The following CDH18 variants were observed in gnomAD, a reference collection of about 807,000 sequenced individuals.
The protein encoded by CDH18 is cadherin 18, also known as cadherin-18.
In CDH18, 31 loss-of-function variants were observed where a neutral mutation model predicts 67.9. That is an observed-to-expected ratio of 0.46 (90% CI 0.34 to 0.62). The LOEUF is 0.62. Among genes scored for constraint, CDH18 ranks in the 20% least tolerant of loss-of-function variants. CDH18 has a pLI of 0.01. For missense variants in CDH18, 890 were observed against 975.5 expected, an observed-to-expected ratio of 0.91 and a Z score of 1.17; for synonymous variants, 362 against 347.2, an observed-to-expected ratio of 1.04 and a Z score of -0.48.
At chr5:20,236,399 C>G (rs1272473881) in intron 2 of CDH18, among the ~76,000 whole-genome samples, 4 of 151,462 alleles carry the variant, frequency 2.6e-5, no homozygotes, top group Non-Finnish European at 5.9e-5. Flanking sequence ...ATCCTATACC[C>G]AGAAATATTA....
In CDH18 at chr5:19,747,112, C is replaced by T. The variant is rs1413313604; in HGVS notation, c.353G>A (p.Arg118Lys). The change falls in exon 4 of 13, where the codon AGA (arginine) becomes AAA (lysine). Residue 118 changes from arginine (R) to lysine (K), a missense_variant. Transcript: ENST00000382275. ...AAGCACATAGTGGGTCTTCTGCTCTCTGTCTAGGCTTTTTGTTGAGTGGAT... is the reference window on the plus strand; with the variant it reads ...AAGCACATAGTGGGTCTTCTGCTCTTTGTCTAGGCTTTTTGTTGAGTGGAT... ...GDIHSTKSLD[R>K]EQKTHYVLHA... 1 of 1,614,104 alleles carries T rather than the reference C, an allele frequency of 6.2e-7. No homozygotes were observed.
chr5:20,392,573 G>T (rs756941721), intron 1 of CDH18, among the ~76,000 whole-genome samples: 47 of 151,904 alleles, frequency 3.1e-4, no homozygotes, highest in Admixed American at 3.9e-4. Flanking sequence ...CCTTCTTATA[G>T]ATGAGAATGC....
At position 19,785,682 on chromosome 5, in the gene CDH18, ATATATATATATATATATATATAT is replaced by A. The variant is rs1561296529; in HGVS notation, c.229-38469_229-38447del. Among the ~76,000 whole-genome samples, 117 of 20,854 alleles carry A rather than the reference ATATATATATATATATATATATAT, an allele frequency of 5.6e-3. 3 individuals are homozygous for A. The highest frequency in any genetic ancestry group is 7.9e-3 in the Non-Finnish European group (97 of 12,312). 13.7% of individuals were successfully genotyped at this position (20,854 alleles called of 152,430 possible). On this transcript the variant is annotated intron_variant, in intron 3 of 12. Transcript: ENST00000382275. Reference sequence around the variant, plus strand: ...AAAAAAAAAAAAAAAAAAAAAAAATATATATATATATATATATATATATATATATATATATATATATATGCATG... The same window carrying A: ...AAAAAAAAAAAAAAAAAAAAAAAATAATATATATATATATATATATGCATG...
intron 1 of CDH18, among the ~76,000 whole-genome samples, chr5:20,401,365 T>G (rs112042708): frequency 3.3e-5 from 5 of 152,322 alleles, no homozygotes; most frequent in South Asian, 2.1e-4. Flanking sequence ...AGTCAAGGAA[T>G]GTAAAGTTTA....
At chr5:19,701,405 A>G (rs1038859940) in intron 5 of CDH18, among the ~76,000 whole-genome samples, 1 of 152,152 alleles carries the variant, frequency 6.6e-6, no homozygotes, top group African/African-American at 2.4e-5. Flanking sequence ...AAACAAACAA[A>G]AAAATATGGC....
At chr5:19,563,891 C>T (rs1739903033) in intron 8 of CDH18, among the ~76,000 whole-genome samples, 1 of 152,102 alleles carries the variant, frequency 6.6e-6, no homozygotes, top group Non-Finnish European at 1.5e-5. Flanking sequence ...CAGCAGAGCA[C>T]AAAGAGAGAA....
chr5:19,905,080 C>A (rs947353980), intron 2 of CDH18, among the ~76,000 whole-genome samples: 2 of 151,968 alleles, frequency 1.3e-5, no homozygotes, highest in South Asian at 2.1e-4. Flanking sequence ...AAAGGTGGGG[C>A]TAGAGTAAGG....
intron 2 of CDH18, among the ~76,000 whole-genome samples, chr5:20,223,562 AG>A (rs1260222865): frequency 2.0e-5 from 3 of 152,076 alleles, no homozygotes; most frequent in African/African-American, 7.2e-5. Context: ...GGGAGGCGCC[AG>A]GGGGCAGAAT....
chr5:20,046,823 G>T (rs1283534987), intron 2 of CDH18, among the ~76,000 whole-genome samples: 1 of 151,644 alleles, frequency 6.6e-6, no homozygotes, highest in East Asian at 1.9e-4. Flanking sequence ...TTTGGGGAAA[G>T]AAAACATTGT....
chr5:19,867,082 C>A (rs898962399), intron 2 of CDH18, among the ~76,000 whole-genome samples: 1 of 152,064 alleles, frequency 6.6e-6, no homozygotes, highest in Non-Finnish European at 1.5e-5. Context: ...GAGCAAGACT[C>A]CATCTCAAAA....
intron 1 of CDH18, among the ~76,000 whole-genome samples, chr5:20,415,817 T>A (rs1747260771): frequency 6.6e-6 from 1 of 151,672 alleles, no homozygotes. Context: ...AATAAAAAGA[T>A]GAAAATCTTA....
At chr5:20,128,674 A>C (rs1014135187) in intron 2 of CDH18, among the ~76,000 whole-genome samples, 2 of 152,132 alleles carry the variant, frequency 1.3e-5, no homozygotes, top group Non-Finnish European at 2.9e-5. Flanking sequence ...ACTTCCAAGA[A>C]CAAAATATGA....
At chr5:19,755,306 A>C (rs1771389672) in intron 3 of CDH18, among the ~76,000 whole-genome samples, 1 of 149,566 alleles carries the variant, frequency 6.7e-6, no homozygotes, top group Non-Finnish European at 1.5e-5. Flanking sequence ...AAGAGAGAAA[A>C]TCCAAATAAC....
At chr5:20,026,349 A>G (rs576246110) in intron 2 of CDH18, among the ~76,000 whole-genome samples, 2 of 152,334 alleles carry the variant, frequency 1.3e-5, no homozygotes, top group South Asian at 4.1e-4. Flanking sequence ...CAAATATGAG[A>G]AAAATAGATA....
intron 5 of CDH18, among the ~76,000 whole-genome samples, chr5:19,618,319 C>CTGG (rs1347185519): frequency 5.1e-4 from 77 of 151,890 alleles, no homozygotes; most frequent in Non-Finnish European, 9.4e-4. Flanking sequence ...GATTCCCCTG[C>CTGG]GTTCGCTTCC....
At chr5:20,501,344 C>A (rs566827062) in intron 1 of CDH18, among the ~76,000 whole-genome samples, 87 of 149,422 alleles carry the variant, frequency 5.8e-4, no homozygotes, top group Non-Finnish European at 1.1e-3. Context: ...CTTTTCTATA[C>A]AGCTAAATAA....
At chr5:20,450,415 G>A (rs942902187) in intron 1 of CDH18, among the ~76,000 whole-genome samples, 1 of 152,120 alleles carries the variant, frequency 6.6e-6, no homozygotes, top group African/African-American at 2.4e-5. Context: ...ATATGGGATT[G>A]TATTTTGTTT....
intron 2 of CDH18, among the ~76,000 whole-genome samples, chr5:20,185,613 T>C (rs1007994291): frequency 6.6e-6 from 1 of 152,070 alleles, no homozygotes; most frequent in Non-Finnish European, 1.5e-5. Flanking sequence ...CCTCTTACAA[T>C]TCCTTCTGTA....
chr5:19,696,013 CT>C (rs1561071381), intron 5 of CDH18, among the ~76,000 whole-genome samples: 1 of 152,046 alleles, frequency 6.6e-6, no homozygotes, highest in African/African-American at 2.4e-5. Context: ...AAGTTTTCAT[CT>C]AAAAAAATTC....
Sources: allele counts gnomAD v4.1 joint callset (sites outside exome capture counted in the v4.1 genomes callset), GRCh38; gene constraint gnomAD v4.1.1; transcripts MANE v1.5; gene names NCBI Gene and HGNC (gene_info 2026-07-23, HGNC 2026-07-21).